The following CADPS variants were observed in gnomAD, a reference collection of about 807,000 sequenced individuals.
CADPS encodes calcium dependent secretion activator.
Under a neutral mutation model 167.3 loss-of-function variants are expected in CADPS, and 57 were observed. The ratio of observed to expected loss-of-function variants is 0.34; its 90% confidence interval spans 0.28 to 0.42. CADPS has a LOEUF of 0.42. Among genes scored for constraint, CADPS ranks in the 20% least tolerant of loss-of-function variants. The probability of loss-of-function intolerance (pLI) is 1.00; values close to 1 mark genes in which losing one functional copy is unlikely to be tolerated. For missense variants in CADPS, 1,414 were observed against 1,738.1 expected, an observed-to-expected ratio of 0.81 and a Z score of 3.32; for synonymous variants, 676 against 635.3, an observed-to-expected ratio of 1.06 and a Z score of -0.96.
At position 62,584,532 on chromosome 3, in the gene CADPS, TC is replaced by T. The variant is rs543162496; in HGVS notation, c.1577+652del. 1.7e-4 allele frequency among the ~76,000 whole-genome samples: 26 copies of T among 152,336 alleles called. No individual in the cohort carries two copies. The East Asian group carries it at 3.5e-3, about 20-fold the overall frequency. On this transcript the variant is annotated intron_variant, in intron 8 of 29. Coordinates refer to ENST00000383710, the MANE Select transcript of CADPS (RefSeq NM_003716.4). ...TATCATGTTTTCTGAGATAATGACA[TC>T]CATGTGATTTAGTTTAATAGGTCAT...
rs569102616 is a variant in CADPS at position 62,594,440 on chromosome 3, C to T, written c.1326-1692G>A. Among the ~76,000 whole-genome samples the T allele has an allele frequency of 5.3e-5, 8 of 152,302 alleles. No individual in the cohort carries two copies. The East Asian group carries it at 9.7e-4, about 18-fold the overall frequency. On this transcript the variant is annotated intron_variant, in intron 6 of 29. Transcript: ENST00000383710. ...CCTCCCAAAGTGCTGGGATTACAGG[C>T]GTGAGCCACCGCGCCCGGCCCTCAT...
intron 12 of CADPS, among the ~76,000 whole-genome samples, chr3:62,533,550 AT>A (rs2074131685): frequency 6.6e-6 from 1 of 152,182 alleles, no homozygotes; most frequent in Non-Finnish European, 1.5e-5. Flanking sequence ...GAGAAGGTTT[AT>A]TTTAAAGACA....
intron 6 of CADPS, among the ~76,000 whole-genome samples, chr3:62,593,330 A>T (rs987034623): frequency 6.6e-6 from 1 of 152,212 alleles, no homozygotes; most frequent in Admixed American, 6.5e-5. Context: ...TTCCCTGCTC[A>T]TAGTTTGTGG....
chr3:62,811,898 G>A (rs2094410731), intron 1 of CADPS, among the ~76,000 whole-genome samples: 1 of 152,026 alleles, frequency 6.6e-6, no homozygotes. Flanking sequence ...GTATTTATTT[G>A]GCTTTAATAT....
rs1579505195 is a variant in CADPS at position 62,645,573 on chromosome 3, T to G, written c.1325+149A>C. On this transcript the variant is annotated intron_variant, in intron 6 of 29. Transcript: ENST00000383710. ...CTTTGCTGTGGCTGCCAAATAAAAATGTAGGCAAGTCATCTTGTTTGAAAA... is the reference window on the plus strand; with the variant it reads ...CTTTGCTGTGGCTGCCAAATAAAAAGGTAGGCAAGTCATCTTGTTTGAAAA... 3.8e-6 allele frequency: 3 copies of G among 788,520 alleles called. No individual in the cohort carries two copies. The East Asian group carries it at 7.8e-5, about 21-fold the overall frequency. The allele number at this position is 788,520 out of a possible 1,614,324, so 48.8% of individuals were successfully genotyped here.
At chr3:62,808,775 C>T (rs1245009522) in intron 1 of CADPS, among the ~76,000 whole-genome samples, 1 of 152,122 alleles carries the variant, frequency 6.6e-6, no homozygotes. Context: ...TATCTCTAGC[C>T]TTGACCTTCC....
chr3:62,621,438 C>T (rs951015320), intron 6 of CADPS, among the ~76,000 whole-genome samples: 21 of 152,036 alleles, frequency 1.4e-4, no homozygotes, highest in African/African-American at 4.8e-4. Context: ...TGACTTCATT[C>T]CACCACAAGC....
chr3:62,742,192 C>G (rs1453082789), intron 3 of CADPS, among the ~76,000 whole-genome samples: 1 of 152,112 alleles, frequency 6.6e-6, no homozygotes, highest in Non-Finnish European at 1.5e-5. Context: ...TTAAAATGGT[C>G]ATACTGCCCA....
At chr3:62,872,297 A>C (rs1014039567) in intron 1 of CADPS, among the ~76,000 whole-genome samples, 1 of 152,208 alleles carries the variant, frequency 6.6e-6, no homozygotes, top group African/African-American at 2.4e-5. Flanking sequence ...ATTTTTAAAA[A>C]ATCAGAGTTC....
intron 13 of CADPS, among the ~76,000 whole-genome samples, chr3:62,523,624 T>C (rs1281664099): frequency 6.6e-6 from 1 of 152,224 alleles, no homozygotes; most frequent in Non-Finnish European, 1.5e-5. Flanking sequence ...ATGATCTATA[T>C]GTTCTGATAT....
At chr3:62,608,205 C>T (rs2060962574) in intron 6 of CADPS, among the ~76,000 whole-genome samples, 1 of 151,914 alleles carries the variant, frequency 6.6e-6, no homozygotes, top group African/African-American at 2.4e-5. Flanking sequence ...GGACCCCACA[C>T]CCACAAAATA....
rs1409817008 is a variant in CADPS, at chr3:62,753,567, C to T, written c.762G>A (p.Gln254=). 1 of 1,614,180 alleles carries T rather than the reference C, an allele frequency of 6.2e-7. No individual in the cohort carries two copies. The highest frequency in any genetic ancestry group is 1.3e-5 in the African/African-American group (1 of 75,056). Residue 254 remains glutamine (Q), a synonymous_variant, in exon 3 of 30, where the codon CAG becomes CAA. Transcript: ENST00000383710. The surrounding 1 kb of genome is among the most constrained non-coding windows in gnomAD (Gnocchi z 4.6). ...IYRGEEDPRK[Q]QARMTASAAS... ...CTGCGCTGGCTGTCATCCGGGCCTG[C>T]TGCTTCCGCGGGTCCTCTTCTCCAC...
intron 1 of CADPS, among the ~76,000 whole-genome samples, chr3:62,775,447 T>A (rs767294160): frequency 6.6e-6 from 1 of 152,174 alleles, no homozygotes; most frequent in East Asian, 1.9e-4. Flanking sequence ...ACACATTTCA[T>A]CACACAATAC....
At chr3:62,807,625 A>G (rs1429361409) in intron 1 of CADPS, among the ~76,000 whole-genome samples, 1 of 151,920 alleles carries the variant, frequency 6.6e-6, no homozygotes, top group African/African-American at 2.4e-5. Flanking sequence ...CAATATTTTT[A>G]TTTTATCAAT....
At chr3:62,692,545 T>G (rs2079365106) in intron 3 of CADPS, among the ~76,000 whole-genome samples, 1 of 152,062 alleles carries the variant, frequency 6.6e-6, no homozygotes, top group Admixed American at 6.6e-5. Context: ...TATTCCAGTC[T>G]TTTGGAAATC....
intron 3 of CADPS, among the ~76,000 whole-genome samples, chr3:62,730,976 A>G (rs1353564233): frequency 6.6e-6 from 1 of 152,234 alleles, no homozygotes; most frequent in East Asian, 1.9e-4. Flanking sequence ...AGGTTTAAAA[A>G]TGACATGTCC....
rs1171542781 is a variant in CADPS, at chr3:62,651,052, T to G, written c.998A>C (p.Lys333Thr). 1.9e-6 allele frequency: 3 copies of G among 1,613,934 alleles called. No homozygotes were observed. The highest frequency in any genetic ancestry group is 1.7e-6 in the Non-Finnish European group (2 of 1,179,898). The stretch of plus-strand genomic sequence containing the variant: ...CTCAATGTACATGTTTTCCATTTCT[T>G]TGGATACAAACTTGGGAAATTTGCG... ...RERKFPKFVS[K>T]EMENMYIEEL... is the part of the protein sequence containing the mutation. The change falls in exon 5 of 30, where the codon AAA (lysine) becomes ACA (threonine). Residue 333 changes from lysine (K) to threonine (T), a missense_variant. By Grantham distance (78) the Lys-to-Thr change is moderately conservative. Coordinates refer to ENST00000383710, the MANE Select transcript of CADPS (RefSeq NM_003716.4).
intron 9 of CADPS, among the ~76,000 whole-genome samples, chr3:62,566,236 C>A (rs2080167669): frequency 6.6e-6 from 1 of 152,200 alleles, no homozygotes; most frequent in Non-Finnish European, 1.5e-5. Flanking sequence ...TCTCCCTTCC[C>A]CAGAACTCTC....
chr3:62,842,881 C>T (rs924047921), intron 1 of CADPS, among the ~76,000 whole-genome samples: 1 of 152,168 alleles, frequency 6.6e-6, no homozygotes, highest in African/African-American at 2.4e-5. Context: ...CTTATGCAAA[C>T]ATATCTGTAC....
Sources: allele counts gnomAD v4.1 joint callset (sites outside exome capture counted in the v4.1 genomes callset), GRCh38; gene constraint gnomAD v4.1.1; non-coding constraint Gnocchi (gnomAD v3.1); transcripts MANE v1.5; gene names NCBI Gene and HGNC (gene_info 2026-07-23, HGNC 2026-07-21).